CSGALNACT2: variants seen among roughly 807,000 people sequenced by gnomAD.
CSGALNACT2 encodes the protein chondroitin sulfate N-acetylgalactosaminyltransferase 2.
CSGALNACT2 carries 35 observed loss-of-function variants against 55.3 expected under a neutral mutation model. The ratio of observed to expected loss-of-function variants is 0.63; its 90% CI spans 0.48 to 0.84. CSGALNACT2 has a LOEUF of 0.84. Among genes scored for constraint, CSGALNACT2 ranks in the 40% least tolerant of loss-of-function variants. CSGALNACT2 has a pLI of 0.00. For synonymous variants in CSGALNACT2, 196 were observed against 224.9 expected (o/e 0.87, Z 1.15); for missense variants, 544 against 657.5 (o/e 0.83, Z 1.89).
intron 1 of CSGALNACT2, among the ~76,000 whole-genome samples, chr10:43,144,624 G>A (rs757092443): frequency 6.6e-6 from 1 of 151,968 alleles, no homozygotes; most frequent in African/African-American, 2.4e-5. Flanking sequence ...ATCTGACTTG[G>A]CTTTATTTTT....
At chr10:43,156,142 A>T (rs1839003226) in intron 2 of CSGALNACT2, among the ~76,000 whole-genome samples, 1 of 152,172 alleles carries the variant, frequency 6.6e-6, no homozygotes, top group African/African-American at 2.4e-5. Context: ...GTTCTTTTTT[A>T]TGTTTTTAAA....
intron 6 of CSGALNACT2, among the ~76,000 whole-genome samples, chr10:43,168,641 T>C (rs1839318252): frequency 6.6e-6 from 1 of 150,790 alleles, no homozygotes; most frequent in Non-Finnish European, 1.5e-5. Context: ...GCCACCATTA[T>C]CTTCATATCA....
chr10:43,149,027 G>A (rs1043227471), intron 1 of CSGALNACT2, among the ~76,000 whole-genome samples: 4 of 152,070 alleles, frequency 2.6e-5, no homozygotes, highest in Admixed American at 2.6e-4. Flanking sequence ...TTTTTTGTAG[G>A]TCCCTTTTCT....
intron 5 of CSGALNACT2, among the ~76,000 whole-genome samples, chr10:43,166,436 A>G (rs1327366507): frequency 6.6e-6 from 1 of 152,208 alleles, no homozygotes; most frequent in Non-Finnish European, 1.5e-5. Context: ...GTCCTTTTAG[A>G]TCAGTCAGTT....
intron 2 of CSGALNACT2, among the ~76,000 whole-genome samples, chr10:43,156,202 GA>G (rs1330603347): frequency 6.6e-6 from 1 of 152,114 alleles, no homozygotes; most frequent in East Asian, 1.9e-4. Flanking sequence ...ATAAAGGAAA[GA>G]AAAAATTAGT....
At chr10:43,146,623 G>C (rs1406243293) in intron 1 of CSGALNACT2, among the ~76,000 whole-genome samples, 1 of 152,058 alleles carries the variant, frequency 6.6e-6, no homozygotes, top group South Asian at 2.1e-4. Flanking sequence ...CCAGATACTC[G>C]GGAAGCTGAG....
rs1839644671 is a variant in CSGALNACT2, at chr10:43,184,007, GCTTGAAGAATC to G, written c.*469_*479del. 6.4e-6 allele frequency: 1 copy of G among 156,502 alleles called. No individual in the cohort carries two copies. Among genetic ancestry groups the G allele is most frequent in the African/African-American group, 2.4e-5 (1 of 41,478 alleles). The allele number at this position is 156,502 out of a possible 1,614,324, so 9.7% of individuals were successfully genotyped here. A position where few individuals can be genotyped will look rare whatever the true frequency, so the allele number is the denominator to read the frequency against. On this transcript the variant is annotated 3_prime_UTR_variant, in exon 8 of 8. Coordinates refer to ENST00000374466, the MANE Select transcript of CSGALNACT2 (RefSeq NM_018590.5). ...CTGAGTCAGCCTCCTTGACTTGATA[GCTTGAAGAATC>G]CTTTTCCACTGAAATAGAGGATAAT...
At position 43,162,929 on chromosome 10, in the gene CSGALNACT2, A is replaced by G. The variant is rs1281754496; in HGVS notation, c.981-937A>G. The G allele has an allele frequency of 5.1e-6, 5 of 985,184 alleles. No individual in the cohort carries two copies. In the Admixed American group the frequency reaches 3.1e-4, roughly 61 times the overall value. The allele number at this position is 985,184 out of a possible 1,614,324, so 61.0% of individuals were successfully genotyped here. A position where few individuals can be genotyped will look rare whatever the true frequency, so the allele number is the denominator to read the frequency against. ...TCTCTTTGCCTTTAGGATACTGACC[A>G]ATTTCTTTAACCTTGCATGGGAGGT... On this transcript the variant is annotated intron_variant, in intron 4 of 7. Transcript: ENST00000374466.
chr10:43,150,376 G>A (rs1816395907), intron 1 of CSGALNACT2, among the ~76,000 whole-genome samples: 2 of 152,022 alleles, frequency 1.3e-5, no homozygotes, highest in South Asian at 4.1e-4. Flanking sequence ...ATTCCTTTCT[G>A]GTATTATGTT....
At chr10:43,175,815 G>A in intron 6 of CSGALNACT2, 136 bp from the exon 7 acceptor site, 1 of 734,878 alleles carries the variant, frequency 1.4e-6, no homozygotes, top group Non-Finnish European at 2.3e-6. Flanking sequence ...AATAACATAA[G>A]TGCATGTGAT....
intron 6 of CSGALNACT2, among the ~76,000 whole-genome samples, chr10:43,170,555 G>A (rs567240591): frequency 8.5e-5 from 13 of 152,262 alleles, no homozygotes; most frequent in Non-Finnish European, 1.6e-4. Flanking sequence ...ATAGCCATGA[G>A]TCTATACTGA....
intron 1 of CSGALNACT2, among the ~76,000 whole-genome samples, chr10:43,146,671 T>G (rs951667706): frequency 6.6e-6 from 1 of 151,218 alleles, no homozygotes; most frequent in Non-Finnish European, 1.5e-5. Context: ...TAGGCTACAT[T>G]GAGCTATAAT....
chr10:43,151,274 G>A (rs1164364078), intron 1 of CSGALNACT2, among the ~76,000 whole-genome samples: 1 of 152,004 alleles, frequency 6.6e-6, no homozygotes, highest in Non-Finnish European at 1.5e-5. Context: ...ATTTTGTTGA[G>A]TACTGGATAT....
At chr10:43,162,854 TG>T in intron 4 of CSGALNACT2, 1 of 976,660 alleles carries the variant, frequency 1.0e-6, no homozygotes, top group Non-Finnish European at 1.2e-6. Flanking sequence ...GCTGTGGGTT[TG>T]GGGGCCTCAC....
At chr10:43,175,719 G>A (rs1013284496) in intron 6 of CSGALNACT2, among the ~76,000 whole-genome samples, 13 of 152,184 alleles carry the variant, frequency 8.5e-5, no homozygotes, top group Non-Finnish European at 1.9e-4. Flanking sequence ...GCCCCTTGAA[G>A]TCAGGCACCA....
Position 43,185,007 on chromosome 10 carries a change from A to T in CSGALNACT2, c.*1465A>T, listed in dbSNP as rs553273102. ...GTTGTGGTAGTTTAGTGATTTTTTTAAAAGATGTGTGAAATGTTCTCTGCA... is the reference window on the plus strand; with the variant it reads ...GTTGTGGTAGTTTAGTGATTTTTTTTAAAGATGTGTGAAATGTTCTCTGCA... On this transcript the variant is annotated 3_prime_UTR_variant, in exon 8 of 8. Transcript: ENST00000374466. 1.3e-5 allele frequency: 2 copies of T among 152,200 alleles called. No homozygotes were observed. The highest frequency in any genetic ancestry group is 1.5e-5 in the Non-Finnish European group (1 of 67,972). The allele number at this position is 152,200 out of a possible 1,614,324, so 9.4% of individuals were successfully genotyped here.
chr10:43,184,810 C>A lies in CSGALNACT2; in HGVS notation c.*1268C>A, dbSNP rs1388834415. On this transcript the variant is annotated 3_prime_UTR_variant, in exon 8 of 8. Transcript: ENST00000374466. Reference sequence around the variant, plus strand: ...TTCCTAGTATGCATAAATTTTTTAACCCTTTTAAAAGAGACCTATGTTGAA... The same window carrying A: ...TTCCTAGTATGCATAAATTTTTTAAACCTTTTAAAAGAGACCTATGTTGAA... 2.0e-5 allele frequency: 3 copies of A among 152,104 alleles called. No homozygotes were observed. Among genetic ancestry groups the A allele is most frequent in the African/African-American group, 7.2e-5 (3 of 41,416 alleles). The allele number at this position is 152,104 out of a possible 1,614,324, so 9.4% of individuals were successfully genotyped here.
intron 1 of CSGALNACT2, among the ~76,000 whole-genome samples, chr10:43,154,029 T>C (rs1190670544): frequency 6.6e-6 from 1 of 152,222 alleles, no homozygotes; most frequent in Non-Finnish European, 1.5e-5. Flanking sequence ...TTAATGTGTT[T>C]TTCAGATGTC....
chr10:43,138,608 C>A (rs1287049864), intron 1 of CSGALNACT2, 41 bp downstream of exon 1: 1 of 151,274 alleles, frequency 6.6e-6, no homozygotes, highest in Non-Finnish European at 1.5e-5. Flanking sequence ...TCCGCGACTC[C>A]CGCCGGCTCC....
Sources: gnomAD v4.1 joint callset for allele counts (sites outside exome capture counted in the v4.1 genomes callset) on GRCh38, gnomAD v4.1.1 for gene constraint, MANE v1.5 for transcripts, NCBI Gene and HGNC (gene_info 2026-07-23, HGNC 2026-07-21) for gene names.